Variants in SNAP47 observed in about 807,000 individuals in gnomAD.
SNAP47 encodes synaptosomal-associated protein 47.
A neutral mutation model predicts 31.4 loss-of-function variants in SNAP47; 20 were observed. The ratio of observed to expected loss-of-function variants is 0.64; its 90% CI spans 0.45 to 0.93. The LOEUF is 0.93. Ranked by LOEUF, SNAP47 falls within the 40% of genes least tolerant of loss-of-function variation. The pLI is 0.00. For synonymous variants in SNAP47, 194 were observed against 213.4 expected (o/e 0.91, Z 0.79); for missense variants, 492 against 528.5 (o/e 0.93, Z 0.68).
chr1:227,780,461 A>T, intron 4 of SNAP47, 66 bp from the exon 5 acceptor site: 2 of 1,596,542 alleles, frequency 1.3e-6, no homozygotes, highest in Non-Finnish European at 1.7e-6. Flanking sequence ...TGAGAGGGGG[A>T]GATGTTGTCT....
chr1:227,733,455 C>T, upstream of SNAP47: 2 of 1,588,334 alleles, frequency 1.3e-6, no homozygotes, highest in Non-Finnish European at 1.7e-6. Flanking sequence ...GGCACAAACA[C>T]CATCTCGCCC....
intron 4 of SNAP47, among the ~76,000 whole-genome samples, chr1:227,773,773 G>T (rs1346893056): frequency 6.6e-6 from 1 of 152,210 alleles, no homozygotes; most frequent in African/African-American, 2.4e-5. Context: ...GGGGGGGTGT[G>T]CCCCGCTACA....
upstream of SNAP47, chr1:227,730,531 GC>G (rs1269374750): frequency 1.3e-5 from 2 of 152,028 alleles, no homozygotes; most frequent in Non-Finnish European, 2.9e-5. Context: ...CCTGTGGAGG[GC>G]TCTATCTCCC....
At position 227,762,413 on chromosome 1, in the gene SNAP47, G is replaced by T. The variant is rs1441001543; in HGVS notation, c.988+2928G>T. 6.6e-6 allele frequency among the ~76,000 whole-genome samples: 1 copy of T among 152,222 alleles called. No homozygotes were observed. The highest frequency in any genetic ancestry group is 1.5e-5 in the Non-Finnish European group (1 of 68,032). ...GCTCAGTAGTCTGTGGGGCACTTGTGGCTCTGAGGCCTTGCCTCTGCCTGC... is the reference window on the plus strand; with the variant it reads ...GCTCAGTAGTCTGTGGGGCACTTGTTGCTCTGAGGCCTTGCCTCTGCCTGC... On this transcript the variant is annotated intron_variant, in intron 3 of 4. Coordinates refer to ENST00000617596, the MANE Select transcript of SNAP47 (RefSeq NM_053052.4). The surrounding 1 kb of genome is among the most constrained non-coding windows in gnomAD (Gnocchi z 4.2).
Position 227,747,904 on chromosome 1 carries a change from C to A in SNAP47, c.168C>A (p.Ile56=), listed in dbSNP as rs768775192. ...TCCCCCTCTCCAGCATAGTTGAGAT[C>A]AAGAAGGAGGCTTCACATTTTATCT... The part of the protein sequence containing the change: ...VSFPLSSIVE[I]KKEASHFIFS... Residue 56 remains isoleucine, a synonymous_variant, in exon 2 of 5, where the codon ATC becomes ATA. Transcript: ENST00000617596. 1 of 1,614,218 alleles carries A rather than the reference C, an allele frequency of 6.2e-7. No homozygotes were observed. Among genetic ancestry groups the A allele is most frequent in the Admixed American group, 1.7e-5 (1 of 60,030 alleles).
chr1:227,733,454 A>G (rs948600024), upstream of SNAP47: 8 of 1,587,904 alleles, frequency 5.0e-6, no homozygotes, highest in African/African-American at 8.1e-5. Context: ...GGGCACAAAC[A>G]CCATCTCGCC....
upstream of SNAP47, chr1:227,733,378 G>C (rs760950775): frequency 6.4e-7 from 1 of 1,553,656 alleles, no homozygotes; most frequent in Non-Finnish European, 8.7e-7. Context: ...CCTGCAGGAA[G>C]GCCCCTGATA....
chr1:227,732,597 A>G (rs1206601482), upstream of SNAP47: 2 of 1,613,412 alleles, frequency 1.2e-6, no homozygotes. Flanking sequence ...CCTCAGGACC[A>G]GGAGCCTCTT....
At chr1:227,743,265 G>GTGC (rs1484091474) in intron 1 of SNAP47, among the ~76,000 whole-genome samples, 9 of 152,190 alleles carry the variant, frequency 5.9e-5, no homozygotes, top group Non-Finnish European at 1.0e-4. Flanking sequence ...GCCTTGGTGT[G>GTGC]TGCTGCAAAC....
At chr1:227,778,986 C>T (rs1053576644) in intron 4 of SNAP47, among the ~76,000 whole-genome samples, 4 of 152,212 alleles carry the variant, frequency 2.6e-5, no homozygotes, top group African/African-American at 9.6e-5. Context: ...ACATGTGGCT[C>T]ATTTCACCTC....
At chr1:227,728,823 G>C (rs1310094414) in intron 1 of SNAP47, 1 of 152,274 alleles carries the variant, frequency 6.6e-6, no homozygotes, top group Non-Finnish European at 1.5e-5. Flanking sequence ...CAGGAGAGGC[G>C]AGGGGAACGG....
chr1:227,759,545 A>G, intron 3 of SNAP47, 60 bp downstream of exon 3: 1 of 1,570,682 alleles, frequency 6.4e-7, no homozygotes, highest in East Asian at 2.2e-5. Context: ...AGGCAGACTC[A>G]GCACGCCTGT....
At position 227,749,569 on chromosome 1, in the gene SNAP47, C is replaced by T. The variant is rs554475644; in HGVS notation, c.497+1336C>T. Among the ~76,000 whole-genome samples the T allele has an allele frequency of 5.9e-5, 9 of 152,310 alleles. No individual in the cohort carries two copies. The South Asian group carries it at 1.9e-3, about 32-fold the overall frequency. ...CTAATTGCATGGTCTCTCAGCATGC[C>T]GCTGCTGGCATACTATCCACCTTCC... On this transcript the variant is annotated intron_variant, in intron 2 of 4. Coordinates refer to ENST00000617596, the MANE Select transcript of SNAP47 (RefSeq NM_053052.4).
upstream of SNAP47, chr1:227,732,922 C>T (rs202146888): frequency 2.0e-5 from 32 of 1,613,044 alleles, no homozygotes; most frequent in Admixed American, 1.2e-4. Context: ...TCCCTCCACT[C>T]GCTGACCTCC....
Position 227,747,846 on chromosome 1 carries a change from T to C in SNAP47, c.110T>C (p.Met37Thr). The C allele has an allele frequency of 6.2e-7, 1 of 1,614,184 alleles. No individual in the cohort carries two copies. The highest frequency in any genetic ancestry group is 8.5e-7 in the Non-Finnish European group (1 of 1,180,022). Reference sequence around the variant, plus strand: ...TTAACATCGCTGTCGCTCAGGTTCATGACTGACAGCACTGGAGAGATTCTG... The same window carrying C: ...TTAACATCGCTGTCGCTCAGGTTCACGACTGACAGCACTGGAGAGATTCTG... ...LSLTSLSLRF[M>T]TDSTGEILVS... The change falls in exon 2 of 5, where the codon ATG becomes ACG. Residue 37 changes from methionine (M) to threonine (T), a missense_variant. By Grantham distance (81) the Met-to-Thr change is moderately conservative (BLOSUM62 -1). Coordinates refer to ENST00000617596, the MANE Select transcript of SNAP47 (RefSeq NM_053052.4).
upstream of SNAP47, chr1:227,732,622 T>C: frequency 6.2e-7 from 1 of 1,613,438 alleles, no homozygotes; most frequent in Non-Finnish European, 8.5e-7. Flanking sequence ...GCGATGACCT[T>C]GAGGAAGTGG....
intron 4 of SNAP47, among the ~76,000 whole-genome samples, chr1:227,768,671 G>T (rs563989267): frequency 6.6e-6 from 1 of 152,228 alleles, no homozygotes; most frequent in Non-Finnish European, 1.5e-5. Context: ...GGTGTAGCCA[G>T]CTCACTCTGC....
Position 227,762,381 on chromosome 1 carries a change from G to A in SNAP47, c.988+2896G>A, listed in dbSNP as rs1329948167. 2.6e-5 allele frequency among the ~76,000 whole-genome samples: 4 copies of A among 152,242 alleles called. No homozygotes were observed. The highest frequency in any genetic ancestry group is 4.4e-5 in the Non-Finnish European group (3 of 68,040). ...TTAGCAAGAAGGCGGCGCCCCGTTT[G>A]ATGGGAGCTCAGTAGTCTGTGGGGC... On this transcript the variant is annotated intron_variant, in intron 3 of 4. Transcript: ENST00000617596. This position sits in a 1 kb window ranked among gnomAD's most constrained non-coding sequence, Gnocchi z 4.2.
At chr1:227,768,316 T>C (rs1219945538) in intron 4 of SNAP47, 1 of 985,436 alleles carries the variant, frequency 1.0e-6, no homozygotes, top group African/African-American at 1.7e-5. Context: ...TGCAGTTCTG[T>C]GTCCACGCAG....
Sources: allele counts gnomAD v4.1 joint callset (sites outside exome capture counted in the v4.1 genomes callset), GRCh38; gene constraint gnomAD v4.1.1; non-coding constraint Gnocchi (gnomAD v3.1); transcripts MANE v1.5; gene names NCBI Gene and HGNC (gene_info 2026-07-23, HGNC 2026-07-21).